Variants in ASTN2 observed in about 807,000 individuals in gnomAD.
The protein encoded by ASTN2 is astrotactin-2.
A neutral mutation model predicts 139.8 loss-of-function variants in ASTN2; 54 were observed. The observed-to-expected ratio is 0.39, with a 90% CI of 0.31 to 0.48. The LOEUF (loss-of-function observed/expected upper bound fraction) is 0.48, where lower values mean the gene tolerates loss of function less well. ASTN2 is among the 20% of genes least tolerant of loss of function. ASTN2 has a pLI of 0.95. For synonymous variants in ASTN2, 756 were observed against 719.5 expected, an observed-to-expected ratio of 1.05 and a Z score of -0.81; for missense variants, 1,565 against 1,725.1, an observed-to-expected ratio of 0.91 and a Z score of 1.64.
chr9:116,528,888 T>C (rs1035631620), intron 19 of ASTN2, among the ~76,000 whole-genome samples: 5 of 151,954 alleles, frequency 3.3e-5, no homozygotes, highest in Non-Finnish European at 2.9e-5. Context: ...AAGACAAGAG[T>C]TGAGGTTTGT....
intron 4 of ASTN2, among the ~76,000 whole-genome samples, chr9:117,136,279 T>C (rs545726442): frequency 1.3e-5 from 2 of 152,330 alleles, no homozygotes; most frequent in South Asian, 2.1e-4. Context: ...AGTTAAATCA[T>C]GGTTCTTCTT....
chr9:116,976,990 C>G (rs1433162738), intron 7 of ASTN2, among the ~76,000 whole-genome samples: 1 of 152,126 alleles, frequency 6.6e-6, no homozygotes, highest in Non-Finnish European at 1.5e-5. Context: ...TTCAACAAAT[C>G]CTGGCCACAC....
intron 17 of ASTN2, among the ~76,000 whole-genome samples, chr9:116,638,518 G>A (rs1857178675): frequency 7.1e-6 from 1 of 140,230 alleles, no homozygotes; most frequent in African/African-American, 2.5e-5. Context: ...TTTTCAATAT[G>A]GGCTGTGGGG....
chr9:117,240,132 G>T (rs1238995479), intron 2 of ASTN2, among the ~76,000 whole-genome samples: 1 of 152,154 alleles, frequency 6.6e-6, no homozygotes, highest in Non-Finnish European at 1.5e-5. Context: ...AAATACAGAA[G>T]TTGAGATTGA....
At chr9:116,829,106 T>A (rs986112513) in intron 11 of ASTN2, among the ~76,000 whole-genome samples, 2 of 151,778 alleles carry the variant, frequency 1.3e-5, no homozygotes, top group Non-Finnish European at 1.5e-5. Context: ...GCAGATTCAA[T>A]CCAATCCCTA....
At position 116,425,739 on chromosome 9, in the gene ASTN2, T is replaced by C. The variant is rs942419432; in HGVS notation, c.*112A>G. The C allele has an allele frequency of 1.1e-5, 17 of 1,605,732 alleles. No individual in the cohort carries two copies. In the African/African-American group the frequency reaches 1.9e-4, roughly 18 times the overall value. On this transcript the variant is annotated 3_prime_UTR_variant, in exon 23 of 23. Transcript: ENST00000313400. ...TTTGGCCTTGCTGGCAAGCTTCATC[T>C]GCTAGGCCCATCCTCAGCTGTCCCC... is the stretch of plus-strand genomic sequence containing the variant.
intron 1 of ASTN2, among the ~76,000 whole-genome samples, chr9:117,363,805 G>A (rs984733143): frequency 7.2e-5 from 11 of 152,110 alleles, no homozygotes; most frequent in African/African-American, 1.9e-4. Context: ...TAAAGACCTC[G>A]TATCACCAGC....
At chr9:117,157,270 G>GAGACATGC (rs1325885958) in intron 3 of ASTN2, among the ~76,000 whole-genome samples, 1 of 151,894 alleles carries the variant, frequency 6.6e-6, no homozygotes. Flanking sequence ...AAGCAGAAAG[G>GAGACATGC]AGACATGCAC....
At chr9:117,232,209 T>C (rs9696919) in intron 2 of ASTN2, among the ~76,000 whole-genome samples, 1 of 152,232 alleles carries the variant, frequency 6.6e-6, no homozygotes. Flanking sequence ...GAGTGTATTG[T>C]CTTGTTTTGA....
chr9:116,789,369 T>C lies in ASTN2; in HGVS notation c.2396+16263A>G, dbSNP rs374685294. Among the ~76,000 whole-genome samples, 41 of 152,336 alleles carry C rather than the reference T, an allele frequency of 2.7e-4. No individual in the cohort carries two copies. The South Asian group carries it at 4.3e-3, about 16-fold the overall frequency. On this transcript the variant is annotated intron_variant, in intron 13 of 22. Transcript: ENST00000313400. ...AATGCCTGTAGCTTTGACTCCTGGC[T>C]TGTGCCTGCTAATTAACTGTCCACT...
intron 20 of ASTN2, among the ~76,000 whole-genome samples, chr9:116,447,051 T>C (rs565487811): frequency 6.6e-6 from 1 of 152,318 alleles, no homozygotes; most frequent in Admixed American, 6.5e-5. Flanking sequence ...CTAGGTGTGC[T>C]TGCTGACCTT....
chr9:116,693,501 A>T lies in ASTN2; in HGVS notation c.2806+32270T>A, dbSNP rs142702527. On this transcript the variant is annotated intron_variant, in intron 16 of 22. Coordinates refer to ENST00000313400, the MANE Select transcript of ASTN2 (RefSeq NM_001365068.1). ...AGAGTAGACACAGCTTAAGGGACAG[A>T]TTCTCATCGGGAGCTGAAGAGATGT... Among the ~76,000 whole-genome samples the T allele has an allele frequency of 5.8e-3, 884 of 152,338 alleles. 10 individuals are homozygous for T. The highest frequency in any genetic ancestry group is 0.02 in the African/African-American group (832 of 41,568).
At chr9:116,527,076 A>T (rs1475080197) in intron 19 of ASTN2, among the ~76,000 whole-genome samples, 1 of 152,212 alleles carries the variant, frequency 6.6e-6, no homozygotes, top group East Asian at 1.9e-4. Flanking sequence ...AAGACCTGAA[A>T]CTATAAAGTA....
chr9:117,157,212 A>T (rs1223103268), intron 3 of ASTN2, among the ~76,000 whole-genome samples: 1 of 151,942 alleles, frequency 6.6e-6, no homozygotes, highest in Non-Finnish European at 1.5e-5. Flanking sequence ...GTCTCTTTTC[A>T]TGGCCAGAAC....
chr9:116,878,556 TG>T (rs1484780037), intron 10 of ASTN2, among the ~76,000 whole-genome samples: 2 of 151,862 alleles, frequency 1.3e-5, no homozygotes, highest in Admixed American at 6.6e-5. Flanking sequence ...ATCAGGGGGC[TG>T]GGGGAGAGAC....
chr9:116,659,885 T>G (rs1174238655), intron 16 of ASTN2, among the ~76,000 whole-genome samples: 3 of 152,170 alleles, frequency 2.0e-5, no homozygotes, highest in African/African-American at 7.2e-5. Flanking sequence ...AAGGCTCTAT[T>G]AAACTTAGAC....
intron 3 of ASTN2, among the ~76,000 whole-genome samples, chr9:117,192,745 C>T (rs1038956779): frequency 2.0e-5 from 3 of 152,088 alleles, no homozygotes; most frequent in Admixed American, 6.5e-5. Flanking sequence ...TGTGGCAAAA[C>T]AAAGAGAGTA....
intron 13 of ASTN2, among the ~76,000 whole-genome samples, chr9:116,768,615 AG>A (rs749436047): frequency 6.6e-6 from 1 of 152,232 alleles, no homozygotes; most frequent in Non-Finnish European, 1.5e-5. Flanking sequence ...TGGTATTAGA[AG>A]GTGAGGCCTT....
chr9:117,343,939 G>A (rs762745650), intron 1 of ASTN2, among the ~76,000 whole-genome samples: 107 of 152,156 alleles, frequency 7.0e-4, no homozygotes, highest in Non-Finnish European at 1.4e-3. Flanking sequence ...AAAGTAGAAA[G>A]TAGAGGGAGA....
Sources: gnomAD v4.1 joint callset for allele counts (sites outside exome capture counted in the v4.1 genomes callset) on GRCh38, gnomAD v4.1.1 for gene constraint, MANE v1.5 for transcripts, NCBI Gene and HGNC (gene_info 2026-07-23, HGNC 2026-07-21) for gene names.